The following NOL4L variants were observed in gnomAD, a reference collection of about 807,000 sequenced individuals.
The protein encoded by NOL4L is nucleolar protein 4-like.
Under a neutral mutation model 64.5 loss-of-function variants are expected in NOL4L, and 7 were observed. That is an observed-to-expected ratio of 0.11 (90% CI 0.06 to 0.20). The LOEUF (loss-of-function observed/expected upper bound fraction) is 0.20, where lower values mean the gene tolerates loss of function less well. Among genes scored for constraint, NOL4L ranks in the 10% least tolerant of loss-of-function variants. NOL4L has a pLI of 1.00. For missense variants in NOL4L, 680 were observed against 967.1 expected (o/e 0.70, Z 3.94); for synonymous variants, 413 against 401.0 (o/e 1.03, Z -0.36).
At chr20:32,495,556 C>T (rs1460299893) in intron 4 of NOL4L, among the ~76,000 whole-genome samples, 1 of 152,150 alleles carries the variant, frequency 6.6e-6, no homozygotes, top group Middle Eastern at 3.2e-3. Flanking sequence ...TCAACTTCCT[C>T]CCCAGAAGAC....
intron 1 of NOL4L, among the ~76,000 whole-genome samples, chr20:32,554,481 G>A (rs1300829058): frequency 6.6e-6 from 1 of 152,124 alleles, no homozygotes; most frequent in African/African-American, 2.4e-5. Context: ...GGAGGCCCCT[G>A]TCACTGAAGA....
At chr20:32,502,300 T>C (rs917711229) in intron 4 of NOL4L, among the ~76,000 whole-genome samples, 6 of 152,156 alleles carry the variant, frequency 3.9e-5, no homozygotes, top group Non-Finnish European at 7.3e-5. Context: ...TTTTAAAAAA[T>C]GTATTCTAGA....
Position 32,584,933 on chromosome 20 carries a change from G to A in NOL4L, c.-43C>T. The A allele has an allele frequency of 2.7e-6, 3 of 1,099,206 alleles. No individual in the cohort carries two copies. Among genetic ancestry groups the A allele is most frequent in the Non-Finnish European group, 3.3e-6 (3 of 901,426 alleles). 68.1% of individuals were successfully genotyped at this position (1,099,206 alleles called of 1,614,324 possible). A position where few individuals can be genotyped will look rare whatever the true frequency, so the allele number is the denominator to read the frequency against. On this transcript the variant is annotated 5_prime_UTR_variant, in exon 1 of 11. Coordinates refer to ENST00000621426, the MANE Select transcript of NOL4L (RefSeq NM_001256798.2). ...CGCCCTCGGGGGCGGGCCGGCCGCCGGGCCGCCCGGTGCCGGGACTGGGCT... is the reference window on the plus strand; with the variant it reads ...CGCCCTCGGGGGCGGGCCGGCCGCCAGGCCGCCCGGTGCCGGGACTGGGCT...
intron 4 of NOL4L, among the ~76,000 whole-genome samples, chr20:32,481,683 T>G (rs1466277987): frequency 6.6e-6 from 1 of 152,186 alleles, no homozygotes; most frequent in Non-Finnish European, 1.5e-5. Flanking sequence ...AGCCTGAGCC[T>G]GGATTAGACA....
chr20:32,570,864 A>G (rs559695976), intron 1 of NOL4L, among the ~76,000 whole-genome samples: 14 of 152,282 alleles, frequency 9.2e-5, no homozygotes, highest in Admixed American at 7.9e-4. Context: ...GCCAACACTC[A>G]CCGAGCACTC....
At chr20:32,525,060 C>T (rs143287298) in intron 2 of NOL4L, among the ~76,000 whole-genome samples, 11 of 152,338 alleles carry the variant, frequency 7.2e-5, no homozygotes, top group African/African-American at 2.4e-4. Flanking sequence ...GTGCCAGCTC[C>T]AGGCTGGGCA....
intron 5 of NOL4L, among the ~76,000 whole-genome samples, chr20:32,462,903 T>TAAAAAAAAAAAAAAA (rs564168973): frequency 0.07 from 5,251 of 75,378 alleles, 609 homozygotes; most frequent in East Asian, 0.34. Context: ...GACTCTGTCT[T>TAAAAAAAAAAAAAAA]AAAAAAAAAA....
At chr20:32,485,822 C>T (rs1279857863) in intron 4 of NOL4L, 1 of 466,478 alleles carries the variant, frequency 2.1e-6, no homozygotes, top group Non-Finnish European at 4.5e-6. Context: ...TTTTCAGAGA[C>T]CTTTGACTTC....
intron 4 of NOL4L, among the ~76,000 whole-genome samples, chr20:32,478,324 C>T (rs1293144976): frequency 6.6e-6 from 1 of 151,922 alleles, no homozygotes; most frequent in Admixed American, 6.6e-5. Flanking sequence ...TGAGTTGTTG[C>T]ACATTTATTG....
intron 5 of NOL4L, among the ~76,000 whole-genome samples, chr20:32,468,318 T>G (rs1410212761): frequency 1.3e-5 from 2 of 152,110 alleles, no homozygotes; most frequent in Non-Finnish European, 2.9e-5. Flanking sequence ...GGTTGGAGCT[T>G]GGGGTCATAG....
chr20:32,453,561 C>T lies in NOL4L; in HGVS notation c.1305+15G>A, dbSNP rs768179614. On this transcript the variant is annotated intron_variant, in intron 7 of 10. Coordinates refer to ENST00000621426, the MANE Select transcript of NOL4L (RefSeq NM_001256798.2). The surrounding 1 kb of genome is among the most constrained non-coding windows in gnomAD (Gnocchi z 5.6). ...TGCCCCCATCCCACCCCACCTGTTT[C>T]CGGCCGGTGCTCACGTTGAAGGCCT... 6.2e-7 allele frequency: 1 copy of T among 1,613,824 alleles called. No individual in the cohort carries two copies. Among genetic ancestry groups the T allele is most frequent in the Admixed American group, 1.7e-5 (1 of 60,024 alleles).
chr20:32,455,974 C>T (rs1256729883), intron 6 of NOL4L, 144 bp downstream of exon 6: 2 of 868,852 alleles, frequency 2.3e-6, no homozygotes, highest in African/African-American at 1.7e-5. Context: ...AGGAACCGAA[C>T]ACATACCAGC....
chr20:32,509,690 A>T, intron 4 of NOL4L: 1 of 1,161,156 alleles, frequency 8.6e-7, no homozygotes, highest in East Asian at 5.9e-5. Flanking sequence ...CCATTGACGC[A>T]AGTGAAGATA....
At chr20:32,480,966 T>C (rs561166521) in intron 4 of NOL4L, among the ~76,000 whole-genome samples, 34 of 152,268 alleles carry the variant, frequency 2.2e-4, no homozygotes, top group Non-Finnish European at 3.8e-4. Flanking sequence ...TTACTAGCCA[T>C]GCAAGCACCA....
rs150722094 is a variant in NOL4L, at chr20:32,576,775, G to A, written c.321+7795C>T. On this transcript the variant is annotated intron_variant, in intron 1 of 10. Coordinates refer to ENST00000621426, the MANE Select transcript of NOL4L (RefSeq NM_001256798.2). ...AGGCCTGCAGCTGCAGTTGAAATCG[G>A]AGGGGAAGAGCATGGACGAGAGGCA... 4.2e-3 allele frequency among the ~76,000 whole-genome samples: 644 copies of A among 152,358 alleles called. 8 individuals are homozygous for A. Among genetic ancestry groups the A allele is most frequent in the African/African-American group, 0.014 (570 of 41,586 alleles).
chr20:32,478,496 G>T (rs1054262221), intron 4 of NOL4L, among the ~76,000 whole-genome samples: 1 of 152,160 alleles, frequency 6.6e-6, no homozygotes, highest in Non-Finnish European at 1.5e-5. Flanking sequence ...GTCACCTAAC[G>T]ATGACTGCTT....
chr20:32,485,078 A>AAC (rs1555795776), intron 4 of NOL4L, among the ~76,000 whole-genome samples: 9 of 147,716 alleles, frequency 6.1e-5, no homozygotes, highest in African/African-American at 2.0e-4. Context: ...AAAAAAAAAA[A>AAC]AAAAAAAAAC....
At position 32,560,773 on chromosome 20, in the gene NOL4L, C is replaced by T. The variant is rs569133771; in HGVS notation, c.321+23797G>A. On this transcript the variant is annotated intron_variant, in intron 1 of 10. Transcript: ENST00000621426. ...CGCCAAACCACAGTTCTATCCTGGA[C>T]GGCTGGATGGGGGACGGACAGACTG... 7.9e-5 allele frequency among the ~76,000 whole-genome samples: 12 copies of T among 152,360 alleles called. No homozygotes were observed. The Middle Eastern group carries it at 0.014, about 173-fold the overall frequency.
At chr20:32,525,196 C>T (rs1280003365) in intron 2 of NOL4L, among the ~76,000 whole-genome samples, 3 of 152,266 alleles carry the variant, frequency 2.0e-5, no homozygotes, top group Non-Finnish European at 4.4e-5. Flanking sequence ...GCCCTCCCCA[C>T]AGCATGGAGG....
Sources: gnomAD v4.1 joint callset for allele counts (sites outside exome capture counted in the v4.1 genomes callset) on GRCh38, gnomAD v4.1.1 for gene constraint, Gnocchi (gnomAD v3.1) non-coding constraint, MANE v1.5 for transcripts, NCBI Gene and HGNC (gene_info 2026-07-23, HGNC 2026-07-21) for gene names.